The following HMCN1 variants were observed in gnomAD, a reference collection of about 807,000 sequenced individuals.
HMCN1 encodes the protein hemicentin-1.
A neutral mutation model predicts 625.9 loss-of-function variants in HMCN1; 321 were observed. The ratio of observed to expected loss-of-function variants is 0.51; its 90% CI spans 0.47 to 0.56. The LOEUF is 0.56. HMCN1 is among the 20% of genes least tolerant of loss of function. The pLI, the probability that HMCN1 is intolerant of heterozygous loss-of-function variation, is 0.00. For synonymous variants in HMCN1, 2,425 were observed against 2,417.6 expected (o/e 1.00, Z -0.09); for missense variants, 6,588 against 6,887.3 (o/e 0.96, Z 1.54).
At position 185,984,324 on chromosome 1, in the gene HMCN1, C is replaced by T. The variant is rs747061552; in HGVS notation, c.2935+11C>T. The T allele has an allele frequency of 9.9e-6, 16 of 1,613,478 alleles. No individual in the cohort carries two copies. The African/African-American group carries it at 1.3e-4, about 13-fold the overall frequency. On this transcript the variant is annotated intron_variant, in intron 19 of 106. Coordinates refer to ENST00000271588, the MANE Select transcript of HMCN1 (RefSeq NM_031935.3). ...CTGTGGTTGTGCATGGTAAGAGACACACCCAATGTTATTGTTTCGAAACTG... is the reference window on the plus strand; with the variant it reads ...CTGTGGTTGTGCATGGTAAGAGACATACCCAATGTTATTGTTTCGAAACTG...
intron 1 of HMCN1, among the ~76,000 whole-genome samples, chr1:185,772,167 G>A (rs1439455869): frequency 6.6e-6 from 1 of 152,122 alleles, no homozygotes; most frequent in East Asian, 1.9e-4. Context: ...CATAGCAGCG[G>A]GCAAGAGATA....
At chr1:186,003,173 C>T (rs1167082234) in intron 28 of HMCN1, among the ~76,000 whole-genome samples, 6 of 152,012 alleles carry the variant, frequency 3.9e-5, no homozygotes, top group South Asian at 2.1e-4. Flanking sequence ...TGAAAGGGGA[C>T]GACTAGACAG....
chr1:185,896,026 C>T (rs1372881121), intron 4 of HMCN1, among the ~76,000 whole-genome samples: 3 of 151,878 alleles, frequency 2.0e-5, no homozygotes, highest in African/African-American at 7.3e-5. Context: ...AGCTCTGCCT[C>T]CCAGGTTCGC....
chr1:186,048,413 A>G (rs1656721733), intron 41 of HMCN1, among the ~76,000 whole-genome samples: 2 of 152,146 alleles, frequency 1.3e-5, no homozygotes, highest in Admixed American at 6.5e-5. Flanking sequence ...TCCTAGATGT[A>G]TAAGGATTTC....
At chr1:185,942,688 A>C (rs1330960395) in intron 11 of HMCN1, among the ~76,000 whole-genome samples, 5 of 152,260 alleles carry the variant, frequency 3.3e-5, no homozygotes, top group Non-Finnish European at 7.4e-5. Context: ...CTAGGCCCCA[A>C]CTGGGTGTCC....
chr1:186,187,958 A>T lies in HMCN1; in HGVS notation c.16490A>T (p.Gln5497Leu), dbSNP rs781229770. The T allele has an allele frequency of 8.7e-6, 14 of 1,613,866 alleles. No homozygotes were observed. The highest frequency in any genetic ancestry group is 1.1e-5 in the Non-Finnish European group (13 of 1,179,816). Residue 5497 changes from glutamine (Q) to leucine (L), a missense_variant, in exon 106 of 107, where the codon CAG becomes CTG. Around this residue, in one of 3 missense-constraint regions of HMCN1, gnomAD observed 1,954 missense variants for 2,013.1 expected, o/e 0.97. Coordinates refer to ENST00000271588, the MANE Select transcript of HMCN1 (RefSeq NM_031935.3). ...TGCTTCAACATGAGAGGAAGCTACC[A>T]GTGCATCGATACACCCTGTCCACCC... The part of the protein sequence containing the change: ...RMCFNMRGSY[Q>L]CIDTPCPPNY...
chr1:186,109,911 G>A (rs1660796686), intron 71 of HMCN1, among the ~76,000 whole-genome samples: 1 of 152,150 alleles, frequency 6.6e-6, no homozygotes, highest in Non-Finnish European at 1.5e-5. Context: ...GATCTCCCAT[G>A]TGTGCATTTC....
chr1:186,118,987 AC>A (rs1661261047), intron 77 of HMCN1, among the ~76,000 whole-genome samples: 1 of 152,134 alleles, frequency 6.6e-6, no homozygotes, highest in Admixed American at 6.6e-5. Flanking sequence ...TAAATGAGTG[AC>A]CCTTATGATA....
Position 185,745,398 on chromosome 1 carries a change from T to C in HMCN1, c.268+10351T>C, listed in dbSNP as rs1447418709. Among the ~76,000 whole-genome samples, 4 of 152,192 alleles carry C rather than the reference T, an allele frequency of 2.6e-5. No homozygotes were observed. In the South Asian group the frequency reaches 8.3e-4, roughly 32 times the overall value. On this transcript the variant is annotated intron_variant, in intron 1 of 106. Transcript: ENST00000271588. ...TTATCCTTATAAATATGTAATGATG[T>C]CATTACATATTTGGATCATAATATT...
chr1:186,115,548 T>A, intron 75 of HMCN1, 134 bp downstream of exon 75: 1 of 810,924 alleles, frequency 1.2e-6, no homozygotes, highest in Non-Finnish European at 2.0e-6. Context: ...TTTTTTTCCT[T>A]AATATGGACT....
At chr1:186,029,610 T>C (rs939264364) in intron 36 of HMCN1, among the ~76,000 whole-genome samples, 1 of 151,934 alleles carries the variant, frequency 6.6e-6, no homozygotes. Context: ...TAATTAGATC[T>C]TCTCGCTTTT....
chr1:185,958,545 C>T lies in HMCN1; in HGVS notation c.1829-3973C>T, dbSNP rs900451998. Among the ~76,000 whole-genome samples, 3 of 152,128 alleles carry T rather than the reference C, an allele frequency of 2.0e-5. No homozygotes were observed. The South Asian group carries it at 6.2e-4, about 32-fold the overall frequency. On this transcript the variant is annotated intron_variant, in intron 11 of 106. Transcript: ENST00000271588. ...TTTAAATGCTATAACTTTATTTGGTCATGCTTTGTCACACGTTGCTATATA... is the reference window on the plus strand; with the variant it reads ...TTTAAATGCTATAACTTTATTTGGTTATGCTTTGTCACACGTTGCTATATA...
At position 186,189,728 on chromosome 1, in the gene HMCN1, C is replaced by T; in HGVS notation, c.16758C>T (p.Asn5586=). The T allele has an allele frequency of 6.2e-7, 1 of 1,613,540 alleles. No homozygotes were observed. Among genetic ancestry groups the T allele is most frequent in the Non-Finnish European group, 8.5e-7 (1 of 1,179,686 alleles). The change falls in exon 107 of 107, where the codon AAC becomes AAT. Residue 5586 remains asparagine (N), a synonymous_variant. Transcript: ENST00000271588. ...QTVPFALRDE[N]LKGVVYTTRP... ...TTCCTTTTGCCTTGAGGGATGAAAA[C>T]CTGAAAGGAGTGGTGTATACAACAC... is the stretch of plus-strand genomic sequence containing the variant.
intron 37 of HMCN1, 84 bp from the exon 38 acceptor site, chr1:186,038,745 A>G (rs1468727971): frequency 1.3e-6 from 1 of 788,056 alleles, no homozygotes; most frequent in African/African-American, 1.7e-5. Flanking sequence ...AGAATAAAGT[A>G]ATAGTGACTT....
At chr1:186,160,953 T>C (rs1422301133) in intron 97 of HMCN1, among the ~76,000 whole-genome samples, 1 of 152,032 alleles carries the variant, frequency 6.6e-6, no homozygotes. Context: ...GGTGCAGAGC[T>C]GAGTTCAATT....
At position 185,923,429 on chromosome 1, in the gene HMCN1, C is replaced by G; in HGVS notation, c.1061C>G (p.Ser354Cys). 1 of 1,609,744 alleles carries G rather than the reference C, an allele frequency of 6.2e-7. No individual in the cohort carries two copies. Among genetic ancestry groups the G allele is most frequent in the Non-Finnish European group, 8.5e-7 (1 of 1,176,556 alleles). Residue 354 changes from serine (S) to cysteine (C), a missense_variant, in exon 8 of 107, where the codon TCC becomes TGC. Ser to Cys is a moderately radical substitution (Grantham distance 112). Transcript: ENST00000271588. ...GTACTGCTCAATACTTCTGGAATTT[C>G]CACTCCAGCTAGAATAGATCTTCTT... is the stretch of plus-strand genomic sequence containing the variant. ...TYVLLNTSGI[S>C]TPARIDLLEL...
At position 186,182,255 on chromosome 1, in the gene HMCN1, A is replaced by G. The variant is rs772655636; in HGVS notation, c.16382A>G (p.Tyr5461Cys). Residue 5461 changes from tyrosine (Y) to cysteine (C), a missense_variant, in exon 105 of 107, where the codon TAT becomes TGT. Tyr to Cys is a radical substitution (Grantham distance 194). Around this residue, in one of 3 missense-constraint regions of HMCN1, gnomAD observed 1,954 missense variants for 2,013.1 expected, o/e 0.97. Transcript: ENST00000271588. ...TATCAGTGCATCTGCCCACCTGGCT[A>G]TCAACTCACACACAATGGAAAGACA... ...GSYQCICPPG[Y>C]QLTHNGKTCQ... 15 of 1,613,534 alleles carry G rather than the reference A, an allele frequency of 9.3e-6. No homozygotes were observed. The highest frequency in any genetic ancestry group is 1.0e-5 in the Non-Finnish European group (12 of 1,179,540).
At chr1:185,782,279 A>C (rs1460550077) in intron 1 of HMCN1, among the ~76,000 whole-genome samples, 3 of 152,152 alleles carry the variant, frequency 2.0e-5, no homozygotes, top group Non-Finnish European at 2.9e-5. Flanking sequence ...CAGCACACTG[A>C]TGGGTCTTGA....
intron 11 of HMCN1, 64 bp from the exon 12 acceptor site, chr1:185,962,454 A>G (rs1409147396): frequency 3.7e-6 from 5 of 1,353,942 alleles, no homozygotes; most frequent in Non-Finnish European, 5.3e-6. Context: ...ATCTGCTAAC[A>G]TAGGAAGCTT....
Sources: gnomAD v4.1 joint callset for allele counts (sites outside exome capture counted in the v4.1 genomes callset) on GRCh38, gnomAD v4.1.1 for gene constraint, gnomAD v4.1.1 regional missense constraint, MANE v1.5 for transcripts, NCBI Gene and HGNC (gene_info 2026-07-23, HGNC 2026-07-21) for gene names.